Variants in NOL12 observed in about 807,000 individuals in gnomAD.
NOL12 encodes the protein nucleolar protein 12.
NOL12 carries 21 observed loss-of-function variants against 25.2 expected under a neutral mutation model. The observed-to-expected ratio is 0.83, with a 90% confidence interval of 0.59 to 1.20. The LOEUF (loss-of-function observed/expected upper bound fraction) is 1.20. NOL12 is among the 50% of genes most tolerant of loss of function. NOL12 has a pLI of 0.00. For missense variants in NOL12, 286 were observed against 287.6 expected (o/e 0.99, Z 0.04); for synonymous variants, 133 against 113.8 (o/e 1.17, Z -1.08).
chr22:37,687,690 T>A, intron 1 of NOL12: 1 of 400,912 alleles, frequency 2.5e-6, no homozygotes, highest in South Asian at 2.5e-5. Flanking sequence ...ACTCCTGGCG[T>A]CATGTGATCT....
At chr22:37,691,089 A>G (rs907013399) in intron 5 of NOL12, 85 bp from the exon 6 acceptor site, 12 of 1,472,836 alleles carry the variant, frequency 8.1e-6, no homozygotes, top group Middle Eastern at 1.8e-4. Flanking sequence ...GGCATTCGCA[A>G]CCTGTCCTGA....
In NOL12 at chr22:37,688,029, A is replaced by G; in HGVS notation, c.189+14A>G. The G allele has an allele frequency of 2.6e-6, 2 of 765,150 alleles. No homozygotes were observed. Among genetic ancestry groups the G allele is most frequent in the African/African-American group, 1.8e-5 (1 of 55,284 alleles). 47.4% of individuals were successfully genotyped at this position (765,150 alleles called of 1,614,324 possible). A position where few individuals can be genotyped will look rare whatever the true frequency, so the allele number is the denominator to read the frequency against. ...CTTCGGGAGGAGGTACGCAGGGGGA[A>G]GGTGGGAGGGAGGTCTTTGATTCTT... On this transcript the variant is annotated intron_variant, in intron 2 of 5. Transcript: ENST00000359114.
At position 37,692,660 on chromosome 22, in the gene NOL12, G is replaced by C. The variant is rs1309469149; in HGVS notation, c.*1324G>C. On this transcript the variant is annotated 3_prime_UTR_variant, in exon 6 of 6. Transcript: ENST00000359114. ...CGCCCGTGGACTATGGAGTCAGGAT[G>C]ACAGGACAGTGCGGTGAGGGGCATC... The C allele has an allele frequency of 1.0e-5, 4 of 398,784 alleles. No individual in the cohort carries two copies. The highest frequency in any genetic ancestry group is 1.8e-5 in the Non-Finnish European group (4 of 226,278). 24.7% of individuals were successfully genotyped at this position (398,784 alleles called of 1,614,324 possible). A position where few individuals can be genotyped will look rare whatever the true frequency, so the allele number is the denominator to read the frequency against.
intron 4 of NOL12, among the ~76,000 whole-genome samples, chr22:37,689,754 A>C (rs1403895330): frequency 6.6e-6 from 1 of 152,202 alleles, no homozygotes; most frequent in Non-Finnish European, 1.5e-5. Flanking sequence ...AGGGCCAGGC[A>C]TGGTGGCTCA....
At position 37,690,790 on chromosome 22, in the gene NOL12, C is replaced by T. The variant is rs1922029366; in HGVS notation, c.475C>T (p.Gln159Ter). The T allele has an allele frequency of 6.2e-7, 1 of 1,611,968 alleles. No homozygotes were observed. Among genetic ancestry groups the T allele is most frequent in the East Asian group, 2.2e-5 (1 of 44,860 alleles). Residue 159 changes from glutamine to a stop codon, truncating the protein, a stop_gained, in exon 5 of 6, where the codon CAG (glutamine) becomes TAG (stop). Coordinates refer to ENST00000359114, the MANE Select transcript of NOL12 (RefSeq NM_024313.3). LOFTEE classifies it high-confidence loss of function. ...GAAGTCCAGAGACCCCCTGCTCTCT[C>T]AGCGGTGAGTCTTGGCCTGCTGCCT... Reference protein sequence around the residue: ...PRKSRDPLLSQRISSLTASLH... With the variant: ...PRKSRDPLLS
Position 37,686,428 on chromosome 22 carries a change from C to T in NOL12, c.36C>T (p.Asp12=), listed in dbSNP as rs2145794458. 5.0e-6 allele frequency: 8 copies of T among 1,605,430 alleles called. No individual in the cohort carries two copies. The highest frequency in any genetic ancestry group is 6.8e-6 in the Non-Finnish European group (8 of 1,176,778). ...GRNKKKKRDG[D]DRRPRLVLSF... is the part of the protein sequence containing the mutation. ...ACAAGAAGAAGAAGCGAGATGGTGA[C>T]GACCGGCGGCCGAGGCTCGTTCTTA... The change falls in exon 1 of 6, where the codon GAC becomes GAT. Residue 12 remains aspartate, a synonymous_variant. Transcript: ENST00000359114.
chr22:37,689,029 G>A, intron 4 of NOL12, 37 bp downstream of exon 4: 6 of 1,603,334 alleles, frequency 3.7e-6, no homozygotes, highest in Non-Finnish European at 4.2e-6. Flanking sequence ...GAAGGGGCGT[G>A]GGGGCAGACC....
rs367755319 is a variant in NOL12, at chr22:37,691,339, C to A, written c.*3C>A. 11 of 1,602,966 alleles carry A rather than the reference C, an allele frequency of 6.9e-6. No homozygotes were observed. In the African/African-American group the frequency reaches 8.1e-5, roughly 12 times the overall value. ...AAGCACGGCACAGCGGGGAGTGAGA[C>A]CGAGAACGAAGCGGTGCCCCAGTCT... On this transcript the variant is annotated 3_prime_UTR_variant, in exon 6 of 6. Coordinates refer to ENST00000359114, the MANE Select transcript of NOL12 (RefSeq NM_024313.3).
In NOL12 at chr22:37,687,973, T is replaced by A; in HGVS notation, c.147T>A (p.Ile49=). ...GAAAGAAGGCAGCCATTGAGGAGAT[T>A]AAGCAGCGGCTGAAAGAGGAGCAGA... ...VERKKAAIEE[I]KQRLKEEQRK... The change falls in exon 2 of 6, where the codon ATT becomes ATA. Residue 49 remains isoleucine, a synonymous_variant. Coordinates refer to ENST00000359114, the MANE Select transcript of NOL12 (RefSeq NM_024313.3). The A allele has an allele frequency of 6.3e-7, 1 of 1,589,114 alleles. No homozygotes were observed. The highest frequency in any genetic ancestry group is 8.6e-7 in the Non-Finnish European group (1 of 1,167,864).
In NOL12 at chr22:37,692,308, G is replaced by T; in HGVS notation, c.*972G>T. The T allele has an allele frequency of 2.6e-6, 1 of 390,908 alleles. No homozygotes were observed. The highest frequency in any genetic ancestry group is 4.5e-6 in the Non-Finnish European group (1 of 221,702). 24.2% of individuals were successfully genotyped at this position (390,908 alleles called of 1,614,324 possible). ...GGAGGCGGAGGCTGCAGTGAGCCGA[G>T]ATCACGCCATTGCACTCCAGCCTGG... On this transcript the variant is annotated 3_prime_UTR_variant, in exon 6 of 6. Coordinates refer to ENST00000359114, the MANE Select transcript of NOL12 (RefSeq NM_024313.3).
At position 37,692,468 on chromosome 22, in the gene NOL12, C is replaced by T. The variant is rs774524313; in HGVS notation, c.*1132C>T. ...CTCCACAAGGGGCCATGTCTTCACA[C>T]TCCTTCCAGATGGATGAGTTGATGG... is the stretch of plus-strand genomic sequence containing the variant. On this transcript the variant is annotated 3_prime_UTR_variant, in exon 6 of 6. Coordinates refer to ENST00000359114, the MANE Select transcript of NOL12 (RefSeq NM_024313.3). The T allele has an allele frequency of 6.8e-5, 27 of 398,622 alleles. No individual in the cohort carries two copies. Among genetic ancestry groups the T allele is most frequent in the Non-Finnish European group, 9.3e-5 (21 of 226,120 alleles). 24.7% of individuals were successfully genotyped at this position (398,622 alleles called of 1,614,324 possible). A position where few individuals can be genotyped will look rare whatever the true frequency, so the allele number is the denominator to read the frequency against.
intron 5 of NOL12, 118 bp from the exon 6 acceptor site, chr22:37,691,056 T>G: frequency 1.1e-5 from 14 of 1,240,948 alleles, no homozygotes; most frequent in Non-Finnish European, 1.6e-5. Context: ...GCAGGCCAAC[T>G]CTGGCATGAA....
intron 2 of NOL12, 63 bp downstream of exon 2, chr22:37,688,078 C>T: frequency 7.1e-7 from 1 of 1,408,854 alleles, no homozygotes; most frequent in African/African-American, 1.4e-5. Context: ...CCTTGGATTT[C>T]CCTAATAGAG....
rs1163691728 is a variant in NOL12 at position 37,692,608 on chromosome 22, G to A, written c.*1272G>A. The A allele has an allele frequency of 1.8e-5, 7 of 398,768 alleles. No individual in the cohort carries two copies. In the East Asian group the frequency reaches 2.5e-4, roughly 14 times the overall value. 24.7% of individuals were successfully genotyped at this position (398,768 alleles called of 1,614,324 possible). ...CTAAACACTAGGACCACAAAGGGGA[G>A]TGAACTGTGTTCCCAGGGCTTGCTG... is the stretch of plus-strand genomic sequence containing the variant. On this transcript the variant is annotated 3_prime_UTR_variant, in exon 6 of 6. Coordinates refer to ENST00000359114, the MANE Select transcript of NOL12 (RefSeq NM_024313.3).
In NOL12 at chr22:37,686,942, A is replaced by G. The variant is rs1377434192; in HGVS notation, c.83+467A>G. 3.0e-6 allele frequency: 3 copies of G among 985,338 alleles called. No homozygotes were observed. The East Asian group carries it at 3.4e-4, about 112-fold the overall frequency. 61.0% of individuals were successfully genotyped at this position (985,338 alleles called of 1,614,324 possible). A position where few individuals can be genotyped will look rare whatever the true frequency, so the allele number is the denominator to read the frequency against. On this transcript the variant is annotated intron_variant, in intron 1 of 5. Coordinates refer to ENST00000359114, the MANE Select transcript of NOL12 (RefSeq NM_024313.3). ...GTCTGGCCAGATAAATAAATGGCAC[A>G]TGGTAGCGGGTCAGCGAAAAGCCCA...
chr22:37,687,810 T>C (rs1921888282), intron 1 of NOL12, 100 bp from the exon 2 acceptor site: 2 of 835,624 alleles, frequency 2.4e-6, no homozygotes, highest in South Asian at 3.0e-5. Flanking sequence ...GAATGGTGCC[T>C]AGCACATAGT....
chr22:37,691,420 C>A lies in NOL12; in HGVS notation c.*84C>A. On this transcript the variant is annotated 3_prime_UTR_variant, in exon 6 of 6. Coordinates refer to ENST00000359114, the MANE Select transcript of NOL12 (RefSeq NM_024313.3). ...GGCTGTCCCTGTAGCCCAGCCTGCACCTAGGTAATGACTGCACAGCTCAAG... is the reference window on the plus strand; with the variant it reads ...GGCTGTCCCTGTAGCCCAGCCTGCAACTAGGTAATGACTGCACAGCTCAAG... 1 of 1,433,504 alleles carries A rather than the reference C, an allele frequency of 7.0e-7. No individual in the cohort carries two copies. The highest frequency in any genetic ancestry group is 1.4e-5 in the South Asian group (1 of 70,376). 88.8% of individuals were successfully genotyped at this position (1,433,504 alleles called of 1,614,324 possible). A position where few individuals can be genotyped will look rare whatever the true frequency, so the allele number is the denominator to read the frequency against.
In NOL12 at chr22:37,692,640, G is replaced by A. The variant is rs1490027404; in HGVS notation, c.*1304G>A. The A allele has an allele frequency of 4.5e-5, 18 of 398,672 alleles. No homozygotes were observed. Among genetic ancestry groups the A allele is most frequent in the African/African-American group, 1.0e-4 (5 of 48,642 alleles). The allele number at this position is 398,672 out of a possible 1,614,324, so 24.7% of individuals were successfully genotyped here. Reference sequence around the variant, plus strand: ...GTGTTCCCAGGGCTTGCTGACGCCCGTGGACTATGGAGTCAGGATGACAGG... The same window carrying A: ...GTGTTCCCAGGGCTTGCTGACGCCCATGGACTATGGAGTCAGGATGACAGG... On this transcript the variant is annotated 3_prime_UTR_variant, in exon 6 of 6. Transcript: ENST00000359114.
At chr22:37,686,858 A>G (rs1921838114) in intron 1 of NOL12, 2 of 985,460 alleles carry the variant, frequency 2.0e-6, no homozygotes, top group South Asian at 4.7e-5. Flanking sequence ...CTAGACATTT[A>G]TTGGGCTCCT....
Sources: allele counts gnomAD v4.1 joint callset (sites outside exome capture counted in the v4.1 genomes callset), GRCh38; gene constraint gnomAD v4.1.1; transcripts MANE v1.5; gene names NCBI Gene and HGNC (gene_info 2026-07-23, HGNC 2026-07-21).